PHF20: variants seen among roughly 807,000 people sequenced by gnomAD.
PHF20 encodes glioma-expressed antigen 2.
PHF20 carries 23 observed loss-of-function variants against 113.5 expected under a neutral mutation model. That is an observed-to-expected ratio of 0.20 (90% confidence interval 0.15 to 0.29). The LOEUF is 0.29. Ranked by LOEUF, PHF20 falls within the 10% of genes least tolerant of loss-of-function variation. The pLI is 1.00. For synonymous variants in PHF20, 434 were observed against 457.3 expected (o/e 0.95, Z 0.65); for missense variants, 943 against 1,219.6 (o/e 0.77, Z 3.38).
intron 4 of PHF20, chr20:35,850,850 TG>T: frequency 8.6e-7 from 1 of 1,156,990 alleles, no homozygotes. Flanking sequence ...GGCTCTGCCT[TG>T]CCATTGTTTG....
At chr20:35,772,778 C>G (rs1046704089) in intron 1 of PHF20, among the ~76,000 whole-genome samples, 16 of 152,168 alleles carry the variant, frequency 1.1e-4, no homozygotes, top group Admixed American at 9.2e-4. Flanking sequence ...ACCCTGTTAT[C>G]GGGTCCTCAG....
intron 9 of PHF20, among the ~76,000 whole-genome samples, chr20:35,899,156 C>A (rs185909858): frequency 1.3e-5 from 2 of 152,208 alleles, no homozygotes; most frequent in East Asian, 3.9e-4. Flanking sequence ...ATGTTGATTT[C>A]TTCTTCCTAA....
Position 35,823,317 on chromosome 20 carries a change from T to C in PHF20, c.84-19256T>C, listed in dbSNP as rs112078579. On this transcript the variant is annotated intron_variant, in intron 2 of 17. Transcript: ENST00000374012. ...CGCAAGCCCCACCACAATCAAGATA[T>C]GGGCCGGGAATGGTGACTCATGCCT... Among the ~76,000 whole-genome samples the C allele has an allele frequency of 5.8e-3, 882 of 151,086 alleles. 9 individuals are homozygous for C. The highest frequency in any genetic ancestry group is 0.02 in the African/African-American group (830 of 41,132).
At chr20:35,775,844 A>T (rs1391514544) in intron 1 of PHF20, among the ~76,000 whole-genome samples, 1 of 150,914 alleles carries the variant, frequency 6.6e-6, no homozygotes, top group Non-Finnish European at 1.5e-5. Flanking sequence ...ACAGGGTCTC[A>T]TTCTGTCACC....
chr20:35,795,220 G>T (rs1357270602), intron 1 of PHF20, among the ~76,000 whole-genome samples: 3 of 150,540 alleles, frequency 2.0e-5, no homozygotes, highest in African/African-American at 7.3e-5. Context: ...AGAAAAATCT[G>T]CTATCATTTA....
chr20:35,811,123 T>G (rs984778889), intron 2 of PHF20, among the ~76,000 whole-genome samples: 2 of 152,122 alleles, frequency 1.3e-5, no homozygotes, highest in Non-Finnish European at 2.9e-5. Context: ...CTCGGCTCAC[T>G]GCAACCTCCG....
chr20:35,831,104 C>A (rs964904091), intron 2 of PHF20, among the ~76,000 whole-genome samples: 1 of 152,080 alleles, frequency 6.6e-6, no homozygotes, highest in South Asian at 2.1e-4. Context: ...AATATACACA[C>A]TAAAGTTATT....
At chr20:35,833,693 C>T (rs2042391131) in intron 2 of PHF20, among the ~76,000 whole-genome samples, 1 of 152,068 alleles carries the variant, frequency 6.6e-6, no homozygotes, top group Non-Finnish European at 1.5e-5. Flanking sequence ...AACCCTTTCC[C>T]AACCCTCTAG....
rs560170056 is a variant in PHF20, at chr20:35,928,259, T to G, written c.2104+380T>G. Among the ~76,000 whole-genome samples, 329 of 151,190 alleles carry G rather than the reference T, an allele frequency of 2.2e-3. 1 individual carries two copies. Among genetic ancestry groups the G allele is most frequent in the Non-Finnish European group, 4.0e-3 (269 of 67,592 alleles). On this transcript the variant is annotated intron_variant, in intron 14 of 17. Transcript: ENST00000374012. ...TTCGAGACCAGCCTGGCCAATGTGG[T>G]GAAACTCCATCTCTACTAAAAATAC...
At chr20:35,775,213 G>T (rs2041147225) in intron 1 of PHF20, among the ~76,000 whole-genome samples, 1 of 152,128 alleles carries the variant, frequency 6.6e-6, no homozygotes, top group African/African-American at 2.4e-5. Flanking sequence ...TGATTTGGTA[G>T]ATCTAGGATG....
chr20:35,947,239 G>A (rs2056101997), intron 17 of PHF20, among the ~76,000 whole-genome samples: 1 of 152,206 alleles, frequency 6.6e-6, no homozygotes. Flanking sequence ...GATCATCGCA[G>A]AAAGTTCTTT....
chr20:35,881,819 G>A (rs966895564), intron 9 of PHF20, among the ~76,000 whole-genome samples: 1 of 152,194 alleles, frequency 6.6e-6, no homozygotes, highest in African/African-American at 2.4e-5. Flanking sequence ...GCCCACTACT[G>A]TTAGTATTTG....
intron 1 of PHF20, among the ~76,000 whole-genome samples, chr20:35,800,643 C>T (rs907383185): frequency 9.9e-5 from 15 of 151,902 alleles, no homozygotes; most frequent in African/African-American, 2.9e-4. Flanking sequence ...TGGTGGCATG[C>T]GCCTGTAGTC....
intron 7 of PHF20, among the ~76,000 whole-genome samples, chr20:35,870,017 G>A (rs1044012748): frequency 2.6e-5 from 4 of 151,442 alleles, no homozygotes; most frequent in Non-Finnish European, 4.4e-5. Context: ...AAAATTAGCC[G>A]GGTGTGGCCA....
chr20:35,793,995 C>CAAAACAA (rs1385077985), intron 1 of PHF20, among the ~76,000 whole-genome samples: 7 of 33,838 alleles, frequency 2.1e-4, no homozygotes, highest in Admixed American at 3.4e-4. Context: ...GACTCTGTCT[C>CAAAACAA]AAAAAAAAAA....
chr20:35,860,712 G>A (rs2080533025), intron 5 of PHF20, among the ~76,000 whole-genome samples: 1 of 152,152 alleles, frequency 6.6e-6, no homozygotes, highest in Non-Finnish European at 1.5e-5. Context: ...GAGCCATACA[G>A]TACTCTAAAA....
intron 3 of PHF20, among the ~76,000 whole-genome samples, chr20:35,844,943 G>T (rs1172338490): frequency 6.6e-6 from 1 of 151,906 alleles, no homozygotes; most frequent in South Asian, 2.1e-4. Flanking sequence ...AATTTATATT[G>T]TCAGATAGCC....
At chr20:35,843,752 A>T (rs1403756114) in intron 3 of PHF20, among the ~76,000 whole-genome samples, 5 of 151,234 alleles carry the variant, frequency 3.3e-5, no homozygotes, top group Admixed American at 1.3e-4. Context: ...TAATTTTTAA[A>T]TTTTTTTATA....
intron 1 of PHF20, chr20:35,774,765 C>G (rs906971428): frequency 6.6e-6 from 1 of 152,090 alleles, no homozygotes; most frequent in Non-Finnish European, 1.5e-5. Context: ...TTAAGGATGC[C>G]GAGGGATTTA....
Sources: allele counts gnomAD v4.1 joint callset (sites outside exome capture counted in the v4.1 genomes callset), GRCh38; gene constraint gnomAD v4.1.1; transcripts MANE v1.5; gene names NCBI Gene and HGNC (gene_info 2026-07-23, HGNC 2026-07-21).